Variants in SLC5A2 observed in about 807,000 individuals in gnomAD.
SLC5A2 encodes sodium/glucose cotransporter 2.
In SLC5A2, 67 loss-of-function variants were observed where a neutral mutation model predicts 69.0. That is an observed-to-expected ratio of 0.97 (90% CI 0.80 to 1.19). SLC5A2 has a LOEUF of 1.19. Among genes scored for constraint, SLC5A2 ranks in the 50% most tolerant of loss-of-function variants. SLC5A2 has a pLI of 0.00. For missense variants in SLC5A2, 1,001 were observed against 921.5 expected, an observed-to-expected ratio of 1.09 and a Z score of -1.12; for synonymous variants, 455 against 395.8, an observed-to-expected ratio of 1.15 and a Z score of -1.78.
rs1360868514 is a variant in SLC5A2 at position 31,488,035 on chromosome 16, T to C, written c.886-3T>C. On this transcript the variant is annotated splice_region_variant and splice_polypyrimidine_tract_variant and intron_variant, in intron 7 of 13. Transcript: ENST00000330498. ...AGCGGGCAGCTGAACGCCCCTCCCG[T>C]AGGTCATCGTGCAGCGCTGCCTGGC... The C allele has an allele frequency of 1.9e-6, 3 of 1,613,196 alleles. No individual in the cohort carries two copies. The highest frequency in any genetic ancestry group is 1.7e-5 in the Admixed American group (1 of 60,036).
chr16:31,488,841 G>A, intron 10 of SLC5A2, 39 bp from the exon 11 acceptor site: 1 of 1,602,148 alleles, frequency 6.2e-7, no homozygotes, highest in Non-Finnish European at 8.5e-7. Flanking sequence ...CTGCAGGGGA[G>A]CCCAGGGTCC....
chr16:31,489,326 C>A lies in SLC5A2; in HGVS notation c.1653C>A (p.Ile551=). Residue 551 remains isoleucine (I), a synonymous_variant, in exon 12 of 14, where the codon ATC becomes ATA. Transcript: ENST00000330498. The part of the protein sequence containing the change: ...TLTVSLCTAP[I]PRKHLHRLVF... ...CGGTCTCCCTGTGCACCGCGCCCAT[C>A]CCCAGAAAGCACGTGAGTGGCCAGG... is the stretch of plus-strand genomic sequence containing the variant. The A allele has an allele frequency of 3.1e-6, 5 of 1,608,470 alleles. No homozygotes were observed. The highest frequency in any genetic ancestry group is 3.4e-6 in the Non-Finnish European group (4 of 1,179,954).
Position 31,485,953 on chromosome 16 carries a change from T to G in SLC5A2, c.468+60T>G. 5 of 1,577,014 alleles carry G rather than the reference T, an allele frequency of 3.2e-6. No individual in the cohort carries two copies. In the South Asian group the frequency reaches 5.5e-5, roughly 17 times the overall value. ...AAGGGTGGGGCTCAAGTGGGGTCTC[T>G]AGAGAACCCTAGAGGGCGTGAGACC... On this transcript the variant is annotated intron_variant, in intron 4 of 13. Transcript: ENST00000330498.
chr16:31,484,467 GA>G (rs1277175207), intron 1 of SLC5A2, among the ~76,000 whole-genome samples: 3 of 151,824 alleles, frequency 2.0e-5, no homozygotes, highest in Non-Finnish European at 2.9e-5. Context: ...AAAAATATGT[GA>G]AAAAAACTGG....
Position 31,488,959 on chromosome 16 carries a change from G to A in SLC5A2, c.1360G>A (p.Asp454Asn), listed in dbSNP as rs761139723. 1 of 1,602,906 alleles carries A rather than the reference G, an allele frequency of 6.2e-7. No individual in the cohort carries two copies. Among genetic ancestry groups the A allele is most frequent in the Admixed American group, 1.7e-5 (1 of 60,024 alleles). ...GGCGGCACAGGGCGGGCAGCTCTTC[G>A]ATTACATCCAGGCAGTCTCTAGCTA... is the stretch of plus-strand genomic sequence containing the variant. ...VQAAQGGQLF[D>N]YIQAVSSYLA... is the part of the protein sequence containing the mutation. The change falls in exon 11 of 14, where the codon GAT becomes AAT. Residue 454 changes from aspartate (D) to asparagine (N), a missense_variant. Coordinates refer to ENST00000330498, the MANE Select transcript of SLC5A2 (RefSeq NM_003041.4).
intron 1 of SLC5A2, 128 bp downstream of exon 1, chr16:31,483,390 A>G (rs2142613104): frequency 7.8e-7 from 1 of 1,274,938 alleles, no homozygotes; most frequent in South Asian, 1.2e-5. Context: ...CCTGGGGGCA[A>G]GCAGGTCTTT....
chr16:31,484,771 AG>A, intron 2 of SLC5A2, 27 bp downstream of exon 2: 1 of 1,611,022 alleles, frequency 6.2e-7, no homozygotes, highest in South Asian at 1.1e-5. Flanking sequence ...CGGGAACGGG[AG>A]GGGCCTGGAG....
chr16:31,488,959 G>C lies in SLC5A2; in HGVS notation c.1360G>C (p.Asp454His), dbSNP rs761139723. The C allele has an allele frequency of 2.5e-6, 4 of 1,602,906 alleles. No homozygotes were observed. The South Asian group carries it at 4.4e-5, about 18-fold the overall frequency. Reference sequence around the variant, plus strand: ...GGCGGCACAGGGCGGGCAGCTCTTCGATTACATCCAGGCAGTCTCTAGCTA... The same window carrying C: ...GGCGGCACAGGGCGGGCAGCTCTTCCATTACATCCAGGCAGTCTCTAGCTA... The part of the protein sequence containing the change: ...VQAAQGGQLF[D>H]YIQAVSSYLA... Residue 454 changes from aspartate to histidine, a missense_variant, in exon 11 of 14, where the codon GAT becomes CAT. Physicochemically the swap from Asp to His is moderately conservative, Grantham distance 81. Transcript: ENST00000330498.
At position 31,490,178 on chromosome 16, in the gene SLC5A2, C is replaced by G; in HGVS notation, c.1740C>G (p.Gly580=). ...ACCTGGATGCTGATGAGCAGCAAGG[C>G]TCCTCACTCCCTGTACAGAATGGGT... The part of the protein sequence containing the change: ...REDLDADEQQ[G]SSLPVQNGCP... Residue 580 remains glycine (G), a synonymous_variant, in exon 13 of 14, where the codon GGC becomes GGG. Transcript: ENST00000330498. 6.2e-7 allele frequency: 1 copy of G among 1,614,202 alleles called. No individual in the cohort carries two copies.
At chr16:31,486,704 G>A (rs888604436) in intron 5 of SLC5A2, among the ~76,000 whole-genome samples, 3 of 152,212 alleles carry the variant, frequency 2.0e-5, no homozygotes, top group Non-Finnish European at 2.9e-5. Flanking sequence ...CAGAAGGAAC[G>A]GAACTGAGTA....
chr16:31,489,498 A>T, intron 12 of SLC5A2, 160 bp downstream of exon 12: 1 of 691,958 alleles, frequency 1.4e-6, no homozygotes, highest in South Asian at 1.7e-5. Flanking sequence ...ATTTTTATTT[A>T]AATACATTTA....
In SLC5A2 at chr16:31,484,847, T is replaced by A. The variant is rs762905275; in HGVS notation, c.227T>A (p.Ile76Asn). The A allele has an allele frequency of 1.9e-6, 3 of 1,613,948 alleles. No homozygotes were observed. The highest frequency in any genetic ancestry group is 1.1e-5 in the South Asian group (1 of 91,080). ...PVGASLFASN[I>N]GSGHFVGLAG... ...GGGGCCTCTCTCTTCGCCAGCAACA[T>A]CGGCAGTGGCCACTTTGTGGGCCTG... Residue 76 changes from isoleucine to asparagine, a missense_variant, in exon 3 of 14, where the codon ATC (isoleucine) becomes AAC (asparagine). Transcript: ENST00000330498.
In SLC5A2 at chr16:31,489,146, G is replaced by C; in HGVS notation, c.1473G>C (p.Gly491=). The change falls in exon 12 of 14, where the codon GGG becomes GGC. Residue 491 remains glycine, a synonymous_variant. Coordinates refer to ENST00000330498, the MANE Select transcript of SLC5A2 (RefSeq NM_003041.4). ...NEQGAFWGLI[G]GLLMGLARLI... The stretch of plus-strand genomic sequence containing the variant: ...AGGGCGCCTTCTGGGGACTCATCGG[G>C]GGCCTGCTGATGGGCCTGGCACGCC... 6.2e-7 allele frequency: 1 copy of C among 1,609,448 alleles called. No homozygotes were observed. The highest frequency in any genetic ancestry group is 1.1e-5 in the South Asian group (1 of 91,076).
chr16:31,485,833 C>T lies in SLC5A2; in HGVS notation c.408C>T (p.Arg136=). 6.2e-7 allele frequency: 1 copy of T among 1,613,490 alleles called. No individual in the cohort carries two copies. The highest frequency in any genetic ancestry group is 8.5e-7 in the Non-Finnish European group (1 of 1,180,026). The change falls in exon 4 of 14, where the codon CGC becomes CGT. Residue 136 remains arginine, a synonymous_variant. Coordinates refer to ENST00000330498, the MANE Select transcript of SLC5A2 (RefSeq NM_003041.4). ...PQYLRKRFGG[R]RIRLYLSVLS... ...ACCTGCGCAAGCGCTTCGGCGGCCG[C>T]CGCATCCGCCTCTACCTGTCTGTGC...
chr16:31,488,428 G>A lies in SLC5A2; in HGVS notation c.1067G>A (p.Gly356Asp), dbSNP rs1173461460. The A allele has an allele frequency of 6.2e-7, 1 of 1,611,652 alleles. No individual in the cohort carries two copies. Among genetic ancestry groups the A allele is most frequent in the Non-Finnish European group, 8.5e-7 (1 of 1,179,744 alleles). ...VVPEVCRRVC[G>D]TEVGCSNIAY... ...CCTGAGGTGTGCAGGCGCGTGTGCG[G>A]CACGGAGGTGGGCTGCTCCAACATC... The change falls in exon 9 of 14, where the codon GGC becomes GAC. Residue 356 changes from glycine (G) to aspartate (D), a missense_variant. Physicochemically the swap from Gly to Asp is moderately conservative, Grantham distance 94. Coordinates refer to ENST00000330498, the MANE Select transcript of SLC5A2 (RefSeq NM_003041.4).
chr16:31,485,961 C>G (rs2142620010), intron 4 of SLC5A2, 68 bp downstream of exon 4: 1 of 1,569,072 alleles, frequency 6.4e-7, no homozygotes, highest in Non-Finnish European at 8.8e-7. Flanking sequence ...TCTAGAGAAC[C>G]CTAGAGGGCG....
In SLC5A2 at chr16:31,483,140, G is replaced by C. The variant is rs768922655; in HGVS notation, c.4G>C (p.Glu2Gln). The C allele has an allele frequency of 5.6e-6, 9 of 1,613,898 alleles. No individual in the cohort carries two copies. The highest frequency in any genetic ancestry group is 1.6e-4 in the Middle Eastern group (1 of 6,084). ...GATGGGGCAGATCCTGGGGAGAATG[G>C]AGGAGCACACAGAGGCAGGCTCGGC... is the stretch of plus-strand genomic sequence containing the variant. MEEHTEAGSAPE... is the reference protein window; with the variant it reads MQEHTEAGSAPE... The change falls in exon 1 of 14, where the codon GAG becomes CAG. Residue 2 changes from glutamate (E) to glutamine (Q), a missense_variant. By Grantham distance (29) the Glu-to-Gln change is conservative. Transcript: ENST00000330498.
rs1292120414 is a variant in SLC5A2, at chr16:31,483,178, G to T, written c.42G>T (p.Gly14=). 6.2e-7 allele frequency: 1 copy of T among 1,613,908 alleles called. No individual in the cohort carries two copies. Among genetic ancestry groups the T allele is most frequent in the Non-Finnish European group, 8.5e-7 (1 of 1,180,016 alleles). The change falls in exon 1 of 14, where the codon GGG becomes GGT. Residue 14 remains glycine, a synonymous_variant. Coordinates refer to ENST00000330498, the MANE Select transcript of SLC5A2 (RefSeq NM_003041.4). ...AGGCAGGCTCGGCACCAGAGATGGGGGCCCAGAAGGCCCTGATTGACAATC... is the reference window on the plus strand; with the variant it reads ...AGGCAGGCTCGGCACCAGAGATGGGTGCCCAGAAGGCCCTGATTGACAATC... The part of the protein sequence containing the change: ...HTEAGSAPEM[G]AQKALIDNPA...
chr16:31,485,610 C>A, intron 3 of SLC5A2, 119 bp from the exon 4 acceptor site: 1 of 1,280,296 alleles, frequency 7.8e-7, no homozygotes, highest in Non-Finnish European at 1.1e-6. Flanking sequence ...CAGTTGTCCT[C>A]TGGGCCCCAG....
Sources: allele counts gnomAD v4.1 joint callset (sites outside exome capture counted in the v4.1 genomes callset), GRCh38; gene constraint gnomAD v4.1.1; transcripts MANE v1.5; gene names NCBI Gene and HGNC (gene_info 2026-07-23, HGNC 2026-07-21).